The following SIM1 variants were observed in gnomAD, a reference collection of about 807,000 sequenced individuals.
SIM1 encodes SIM bHLH transcription factor 1.
SIM1 carries 18 observed loss-of-function variants against 78.2 expected under a neutral mutation model. The observed-to-expected ratio is 0.23, with a 90% CI of 0.16 to 0.34. The LOEUF (loss-of-function observed/expected upper bound fraction) is 0.34. SIM1 is among the 10% of genes least tolerant of loss of function. The pLI, the probability that SIM1 is intolerant of heterozygous loss-of-function variation, is 1.00. For synonymous variants in SIM1, 417 were observed against 385.2 expected (o/e 1.08, Z -0.97); for missense variants, 939 against 975.1 (o/e 0.96, Z 0.49).
chr6:100,403,853 GTAT>G (rs1353013440), intron 10 of SIM1, among the ~76,000 whole-genome samples: 2 of 152,134 alleles, frequency 1.3e-5, no homozygotes, highest in African/African-American at 4.8e-5. Flanking sequence ...CATCTTAAAA[GTAT>G]TATTAATCCC....
At chr6:100,450,706 A>T (rs879604611) in intron 3 of SIM1, among the ~76,000 whole-genome samples, 7,991 of 132,744 alleles carry the variant, frequency 0.06, 687 homozygotes, top group African/African-American at 0.21. Flanking sequence ...TCACACACAC[A>T]CACACACACA....
chr6:100,447,488 G>T, intron 8 of SIM1, 73 bp from the exon 9 acceptor site: 1 of 1,570,038 alleles, frequency 6.4e-7, no homozygotes, highest in South Asian at 1.1e-5. Flanking sequence ...AATCCCTGGT[G>T]GTAAGAATTG....
chr6:100,400,705 T>C (rs758990013), intron 10 of SIM1, among the ~76,000 whole-genome samples: 1 of 152,042 alleles, frequency 6.6e-6, no homozygotes, highest in Admixed American at 6.5e-5. Flanking sequence ...AATGAATAAA[T>C]TGTAACCCAC....
chr6:100,441,482 A>G (rs1772214192), intron 9 of SIM1, among the ~76,000 whole-genome samples: 1 of 152,182 alleles, frequency 6.6e-6, no homozygotes, highest in African/African-American at 2.4e-5. Flanking sequence ...CACAGCAGGC[A>G]ATTTGCATCA....
Position 100,450,696 on chromosome 6 carries a change from T to TCTCTCACACACA in SIM1, c.259-341_259-340insTGTGTGTGAGAG, listed in dbSNP as rs1421452803. 7.0e-3 allele frequency among the ~76,000 whole-genome samples: 643 copies of TCTCTCACACACA among 91,920 alleles called. 5 individuals are homozygous for TCTCTCACACACA. The highest frequency in any genetic ancestry group is 0.01 in the Non-Finnish European group (469 of 45,464). The allele number at this position is 91,920 out of a possible 152,430, so 60.3% of individuals were successfully genotyped here. ...CTCTCTCTCTCTCTCTCTCTCTCTC[T>TCTCTCACACACA]CACACACACACACACACACACACAC... On this transcript the variant is annotated intron_variant, in intron 3 of 11. Transcript: ENST00000369208.
chr6:100,456,889 T>C lies in SIM1; in HGVS notation c.176-3045A>G, dbSNP rs950387654. Among the ~76,000 whole-genome samples, 17 of 152,214 alleles carry C rather than the reference T, an allele frequency of 1.1e-4. No individual in the cohort carries two copies. In the East Asian group the frequency reaches 3.3e-3, roughly 29 times the overall value. Reference sequence around the variant, plus strand: ...CTCAATGGACTGACTGCACGGGTTTTGTAATTTCCTGAAAATGAGATTTCG... The same window carrying C: ...CTCAATGGACTGACTGCACGGGTTTCGTAATTTCCTGAAAATGAGATTTCG... On this transcript the variant is annotated intron_variant, in intron 2 of 11. Transcript: ENST00000369208.
chr6:100,419,459 A>G (rs1025491212), intron 10 of SIM1, among the ~76,000 whole-genome samples: 2 of 152,240 alleles, frequency 1.3e-5, no homozygotes, highest in Non-Finnish European at 2.9e-5. Context: ...TCAGTGAACA[A>G]CATTTTCTCA....
In SIM1 at chr6:100,390,158, T is replaced by C; in HGVS notation, c.*203A>G. ...CATATAATTAGAGGGGAAATTTGTGTATTCAATTTAGCTCCCTTTTCTGTG... is the reference window on the plus strand; with the variant it reads ...CATATAATTAGAGGGGAAATTTGTGCATTCAATTTAGCTCCCTTTTCTGTG... On this transcript the variant is annotated 3_prime_UTR_variant, in exon 12 of 12. Coordinates refer to ENST00000369208, the MANE Select transcript of SIM1 (RefSeq NM_005068.3). The C allele has an allele frequency of 1.7e-6, 1 of 579,460 alleles. No individual in the cohort carries two copies. The highest frequency in any genetic ancestry group is 2.4e-5 in the South Asian group (1 of 40,888). 35.9% of individuals were successfully genotyped at this position (579,460 alleles called of 1,614,324 possible).
chr6:100,403,515 A>G (rs1770980181), intron 10 of SIM1, among the ~76,000 whole-genome samples: 2 of 152,240 alleles, frequency 1.3e-5, no homozygotes, highest in African/African-American at 4.8e-5. Context: ...TGATAGGAGA[A>G]ATACAGCCCC....
At chr6:100,450,495 A>T (rs1455035879) in intron 3 of SIM1, 139 bp from the exon 4 acceptor site, 2 of 690,742 alleles carry the variant, frequency 2.9e-6, no homozygotes, top group Non-Finnish European at 5.0e-6. Flanking sequence ...AACAGGGCAT[A>T]GAAAACTAGC....
intron 3 of SIM1, 143 bp downstream of exon 3, chr6:100,453,619 C>A (rs1772568905): frequency 1.6e-5 from 10 of 619,722 alleles, no homozygotes; most frequent in Non-Finnish European, 2.5e-5. Flanking sequence ...GAGAGGGCCA[C>A]GTGCAGTCCG....
At chr6:100,439,556 T>C (rs992188152) in intron 9 of SIM1, among the ~76,000 whole-genome samples, 2 of 152,166 alleles carry the variant, frequency 1.3e-5, no homozygotes, top group African/African-American at 2.4e-5. Context: ...CAATTAATCA[T>C]TGCAATCTGC....
chr6:100,400,176 A>T (rs1460744273), intron 10 of SIM1, among the ~76,000 whole-genome samples: 1 of 152,020 alleles, frequency 6.6e-6, no homozygotes, highest in East Asian at 1.9e-4. Flanking sequence ...AAAGACTAAC[A>T]TACCACTCTT....
rs999893441 is a variant in SIM1, at chr6:100,390,271, A to T, written c.*90T>A. The T allele has an allele frequency of 2.9e-6, 4 of 1,401,508 alleles. No homozygotes were observed. The highest frequency in any genetic ancestry group is 3.9e-6 in the Non-Finnish European group (4 of 1,030,574). 86.8% of individuals were successfully genotyped at this position (1,401,508 alleles called of 1,614,324 possible). On this transcript the variant is annotated 3_prime_UTR_variant, in exon 12 of 12. Transcript: ENST00000369208. ...AGTAACTTAAGTTATACTCTCTAAC[A>T]ATCTGTGGCATAGTAAATGCTGGTA... is the stretch of plus-strand genomic sequence containing the variant.
chr6:100,448,804 C>G, intron 6 of SIM1, 126 bp from the exon 7 acceptor site: 1 of 778,560 alleles, frequency 1.3e-6, no homozygotes, highest in Non-Finnish European at 2.0e-6. Context: ...CGCCCGTGCA[C>G]TAAGGAATCC....
chr6:100,414,773 A>G (rs1771356799), intron 10 of SIM1, among the ~76,000 whole-genome samples: 1 of 152,222 alleles, frequency 6.6e-6, no homozygotes, highest in African/African-American at 2.4e-5. Flanking sequence ...GACCCTTCTG[A>G]TATCTGTGAC....
At chr6:100,453,277 G>A (rs1487899704) in intron 3 of SIM1, among the ~76,000 whole-genome samples, 2 of 152,200 alleles carry the variant, frequency 1.3e-5, no homozygotes, top group East Asian at 3.8e-4. Context: ...GGGAGCCTGG[G>A]CACTACAGGG....
intron 10 of SIM1, among the ~76,000 whole-genome samples, chr6:100,395,345 C>A (rs188834846): frequency 6.6e-6 from 1 of 152,090 alleles, no homozygotes; most frequent in Admixed American, 6.6e-5. Context: ...TAATATAGCT[C>A]CATTTAATAC....
intron 10 of SIM1, among the ~76,000 whole-genome samples, chr6:100,415,143 C>T (rs1248089534): frequency 6.6e-6 from 1 of 152,120 alleles, no homozygotes; most frequent in African/African-American, 2.4e-5. Context: ...ATAAATGTAA[C>T]TACAAACATG....
Sources: allele counts gnomAD v4.1 joint callset (sites outside exome capture counted in the v4.1 genomes callset), GRCh38; gene constraint gnomAD v4.1.1; transcripts MANE v1.5; gene names NCBI Gene and HGNC (gene_info 2026-07-23, HGNC 2026-07-21).